RTL4: variants seen among roughly 807,000 people sequenced by gnomAD.
RTL4 encodes retrotransposon Gag like 4, also known as retrotransposon Gag-like protein 4.
A neutral mutation model predicts 5.3 loss-of-function variants in RTL4; 4 were observed. That is an observed-to-expected ratio of 0.75 (90% CI 0.37 to 1.72). The LOEUF is 1.72. Among genes scored for constraint, RTL4 ranks in the 40% most tolerant of loss-of-function variants. The pLI is 0.04. For missense variants in RTL4, 260 were observed against 227.1 expected (o/e 1.14, Z -0.93); for synonymous variants, 98 against 87.3 (o/e 1.12, Z -0.68).
the RTL4 span, among the ~76,000 whole-genome samples, chrX:112,267,730 C>T: frequency 1.8e-5 from 2 of 111,465 alleles, no homozygotes; most frequent in African/African-American, 3.3e-5. Context: ...AATGGCAATT[C>T]CACTGTCATC....
chrX:112,164,845 C>G, the RTL4 span, among the ~76,000 whole-genome samples: 1 of 111,664 alleles, frequency 9.0e-6, no homozygotes, highest in Non-Finnish European at 1.9e-5. Context: ...AGCTCACTTC[C>G]TGCCTAAGAG....
the RTL4 span, among the ~76,000 whole-genome samples, chrX:112,200,915 G>A: frequency 9.0e-6 from 1 of 111,649 alleles, no homozygotes; most frequent in Non-Finnish European, 1.9e-5. Flanking sequence ...AGCAAGACGA[G>A]GGAAAGGAAT....
chrX:112,340,546 G>A, the RTL4 span, among the ~76,000 whole-genome samples: 13 of 101,827 alleles, frequency 1.3e-4, no homozygotes, highest in African/African-American at 4.3e-4. Context: ...AAAGACCCAC[G>A]GGAATAGTAA....
the RTL4 span, among the ~76,000 whole-genome samples, chrX:112,395,107 A>G: frequency 1.4e-4 from 16 of 112,279 alleles, no homozygotes; most frequent in East Asian, 1.4e-3. Flanking sequence ...TGTACACTGA[A>G]GACTTCATGA....
At chrX:112,395,930 T>C in the RTL4 span, among the ~76,000 whole-genome samples, 28 of 111,581 alleles carry the variant, frequency 2.5e-4, no homozygotes, top group African/African-American at 8.1e-4. Flanking sequence ...GATATTCTTA[T>C]GTGTCAAATA....
chrX:112,315,395 C>T, the RTL4 span, among the ~76,000 whole-genome samples: 4 of 111,102 alleles, frequency 3.6e-5, no homozygotes, highest in African/African-American at 1.3e-4. Context: ...TGACCTCCCC[C>T]ACGCTACTCC....
the RTL4 span, among the ~76,000 whole-genome samples, chrX:112,204,251 G>A: frequency 8.9e-6 from 1 of 111,989 alleles, no homozygotes. Flanking sequence ...TATGGAGATC[G>A]GTTTGAAGGT....
the RTL4 span, among the ~76,000 whole-genome samples, chrX:112,285,292 A>G: frequency 8.9e-6 from 1 of 111,892 alleles, no homozygotes; most frequent in African/African-American, 3.2e-5. Flanking sequence ...TTACAGTGAC[A>G]TATGCTTGAC....
At chrX:112,193,406 C>T in the RTL4 span, among the ~76,000 whole-genome samples, 1 of 111,158 alleles carries the variant, frequency 9.0e-6, no homozygotes, top group Non-Finnish European at 1.9e-5. Context: ...TGTATCTTGA[C>T]CCATTAACCA....
At chrX:112,294,638 G>A in the RTL4 span, among the ~76,000 whole-genome samples, 3 of 111,437 alleles carry the variant, frequency 2.7e-5, no homozygotes, top group Admixed American at 9.5e-5. Context: ...AACAAAAACC[G>A]TCAACCATTA....
chrX:112,418,586 A>T, the RTL4 span, among the ~76,000 whole-genome samples: 11 of 110,684 alleles, frequency 9.9e-5, no homozygotes, highest in Non-Finnish European at 1.9e-4. Context: ...ACCTAACAAA[A>T]CTTAGCCTAA....
At chrX:112,109,471 C>T in the RTL4 span, among the ~76,000 whole-genome samples, 1 of 111,442 alleles carries the variant, frequency 9.0e-6, no homozygotes, top group Non-Finnish European at 1.9e-5. Context: ...TTGTCCCCAC[C>T]CACCTCCTGC....
the RTL4 span, among the ~76,000 whole-genome samples, chrX:112,433,523 G>C: frequency 1.6e-5 from 1 of 61,925 alleles, no homozygotes; most frequent in Admixed American, 2.0e-4. Flanking sequence ...TCATGATTTG[G>C]CTCTCTGTTT....
At chrX:112,107,285 TG>T in the RTL4 span, among the ~76,000 whole-genome samples, 1 of 112,122 alleles carries the variant, frequency 8.9e-6, no homozygotes. Flanking sequence ...AACAAATTTT[TG>T]TAACTGTTAT....
chrX:112,208,835 C>A, the RTL4 span, among the ~76,000 whole-genome samples: 2 of 112,488 alleles, frequency 1.8e-5, no homozygotes, highest in African/African-American at 3.2e-5. Context: ...AAGAACCTTA[C>A]AGGTGTGGAA....
the RTL4 span, among the ~76,000 whole-genome samples, chrX:112,280,607 G>C: frequency 1.8e-5 from 2 of 110,364 alleles, no homozygotes; most frequent in African/African-American, 3.3e-5. Flanking sequence ...TCCCACCTTA[G>C]CTTCCTGAGT....
the RTL4 span, among the ~76,000 whole-genome samples, chrX:112,229,394 A>G: frequency 8.9e-6 from 1 of 112,353 alleles, no homozygotes; most frequent in Non-Finnish European, 1.9e-5. Context: ...AAATCGATGC[A>G]CAGAGAAATT....
the RTL4 span, among the ~76,000 whole-genome samples, chrX:112,373,894 T>G: frequency 1.8e-5 from 2 of 110,848 alleles, no homozygotes; most frequent in African/African-American, 6.5e-5. Flanking sequence ...TTTTGTTTCT[T>G]TATTCTTTTC....
At chrX:112,443,645 G>T in the RTL4 span, among the ~76,000 whole-genome samples, 1 of 111,840 alleles carries the variant, frequency 8.9e-6, no homozygotes, top group Non-Finnish European at 1.9e-5. Flanking sequence ...CACATGAAAT[G>T]ATATCTCATT....
Sources: allele counts gnomAD v4.1 joint callset (sites outside exome capture counted in the v4.1 genomes callset), GRCh38; gene constraint gnomAD v4.1.1; transcripts MANE v1.5; gene names NCBI Gene and HGNC (gene_info 2026-07-23, HGNC 2026-07-21).